The following LRP1B variants were observed in gnomAD, a reference collection of about 807,000 sequenced individuals.
The protein encoded by LRP1B is low-density lipoprotein receptor-related protein 1B.
In LRP1B, 217 loss-of-function variants were observed where a neutral mutation model predicts 556.6. The ratio of observed to expected loss-of-function variants is 0.39; its 90% CI spans 0.35 to 0.44. The LOEUF (loss-of-function observed/expected upper bound fraction) is 0.44. Ranked by LOEUF, LRP1B falls within the 20% of genes least tolerant of loss-of-function variation. The pLI is 1.00. For synonymous variants in LRP1B, 2,047 were observed against 1,865.8 expected (o/e 1.10, Z -2.50); for missense variants, 5,053 against 5,620.8 (o/e 0.90, Z 3.23).
At chr2:140,486,236 C>A (rs1024619492) in intron 58 of LRP1B, among the ~76,000 whole-genome samples, 1 of 151,882 alleles carries the variant, frequency 6.6e-6, no homozygotes, top group Non-Finnish European at 1.5e-5. Context: ...TAGAAGCCAA[C>A]AGTTACACAG....
chr2:141,378,303 A>T (rs1488552215), intron 3 of LRP1B, among the ~76,000 whole-genome samples: 9 of 152,234 alleles, frequency 5.9e-5, no homozygotes, highest in Admixed American at 5.9e-4. Context: ...AAGATTTTAA[A>T]GCAAAATTCT....
At chr2:141,972,696 G>T (rs1701777983) in intron 1 of LRP1B, among the ~76,000 whole-genome samples, 1 of 151,426 alleles carries the variant, frequency 6.6e-6, no homozygotes, top group Non-Finnish European at 1.5e-5. Context: ...CTCGAAGCAC[G>T]ATTGTTTCCT....
At chr2:141,993,126 G>A (rs1316394966) in intron 1 of LRP1B, among the ~76,000 whole-genome samples, 4 of 152,082 alleles carry the variant, frequency 2.6e-5, no homozygotes, top group Non-Finnish European at 4.4e-5. Flanking sequence ...ATTTCTGTTG[G>A]AAAAGATGAA....
chr2:140,573,889 C>T (rs1681420757), intron 43 of LRP1B, among the ~76,000 whole-genome samples: 1 of 151,888 alleles, frequency 6.6e-6, no homozygotes, highest in African/African-American at 2.4e-5. Flanking sequence ...CACTCAAGGA[C>T]AGATTAGAGT....
At chr2:141,030,664 G>A (rs989756024) in intron 11 of LRP1B, among the ~76,000 whole-genome samples, 1 of 151,864 alleles carries the variant, frequency 6.6e-6, no homozygotes, top group Non-Finnish European at 1.5e-5. Context: ...TATTTTATAT[G>A]GTTATCAGAC....
rs549185424 is a variant in LRP1B at position 140,441,396 on chromosome 2, T to C, written c.10414+1108A>G. 4.6e-5 allele frequency among the ~76,000 whole-genome samples: 7 copies of C among 152,300 alleles called. No individual in the cohort carries two copies. In the East Asian group the frequency reaches 1.2e-3, roughly 25 times the overall value. ...TTGGTGATGAATGCAGTTTGAGGCTTTGTGAATTGATTATGAAAACAAATT... is the reference window on the plus strand; with the variant it reads ...TTGGTGATGAATGCAGTTTGAGGCTCTGTGAATTGATTATGAAAACAAATT... On this transcript the variant is annotated intron_variant, in intron 66 of 90. Transcript: ENST00000389484.
chr2:141,610,402 T>C (rs917971776), intron 2 of LRP1B, among the ~76,000 whole-genome samples: 1 of 148,948 alleles, frequency 6.7e-6, no homozygotes, highest in Non-Finnish European at 1.5e-5. Flanking sequence ...TTGTAAACAG[T>C]GTTTCCCTCA....
intron 1 of LRP1B, among the ~76,000 whole-genome samples, chr2:141,977,445 C>T (rs1264769474): frequency 1.3e-5 from 2 of 152,066 alleles, no homozygotes; most frequent in African/African-American, 2.4e-5. Context: ...GCTTGTAATC[C>T]CAGCCACTTG....
At position 141,519,405 on chromosome 2, in the gene LRP1B, A is replaced by ATATATATATAT. The variant is rs1559118227; in HGVS notation, c.206-38873_206-38872insATATATATATA. On this transcript the variant is annotated intron_variant, in intron 2 of 90. Coordinates refer to ENST00000389484, the MANE Select transcript of LRP1B (RefSeq NM_018557.3). ...TATATATATATATATATATATATGAAATGCAATATTTATTGAATTTAGTTT... is the reference window on the plus strand; with the variant it reads ...TATATATATATATATATATATATGAATATATATATATATGCAATATTTATTGAATTTAGTTT... Among the ~76,000 whole-genome samples, 121 of 25,654 alleles carry ATATATATATAT rather than the reference A, an allele frequency of 4.7e-3. 4 individuals carry two copies. The highest frequency in any genetic ancestry group is 6.1e-3 in the South Asian group (5 of 824). The allele number at this position is 25,654 out of a possible 152,430, so 16.8% of individuals were successfully genotyped here.
chr2:141,507,717 GT>G (rs964822896), intron 2 of LRP1B, among the ~76,000 whole-genome samples: 1 of 152,044 alleles, frequency 6.6e-6, no homozygotes, highest in African/African-American at 2.4e-5. Context: ...ATATTATATA[GT>G]TTTTGAGTAC....
At chr2:141,055,019 G>T (rs374670756) in intron 10 of LRP1B, 97 bp downstream of exon 10, 1 of 1,347,988 alleles carries the variant, frequency 7.4e-7, no homozygotes, top group Non-Finnish European at 1.0e-6. Flanking sequence ...ACCTGTTGAA[G>T]TCTCATGTTA....
intron 6 of LRP1B, among the ~76,000 whole-genome samples, chr2:141,218,329 G>A (rs1449939308): frequency 6.6e-6 from 1 of 152,138 alleles, no homozygotes; most frequent in African/African-American, 2.4e-5. Flanking sequence ...AAAGACACAT[G>A]CATGTGTACA....
chr2:141,127,549 C>T (rs528257890), intron 7 of LRP1B, among the ~76,000 whole-genome samples: 2 of 152,140 alleles, frequency 1.3e-5, no homozygotes, highest in Non-Finnish European at 2.9e-5. Flanking sequence ...CCATGGAATA[C>T]TATGCAGCCA....
intron 2 of LRP1B, among the ~76,000 whole-genome samples, chr2:141,683,123 A>G (rs755877531): frequency 1.1e-4 from 16 of 152,136 alleles, no homozygotes; most frequent in Admixed American, 2.6e-4. Context: ...AAGCCCCAGC[A>G]ACAGGAACCT....
At chr2:140,321,888 C>T (rs991810302) in intron 82 of LRP1B, 75 bp downstream of exon 82, 1 of 1,407,082 alleles carries the variant, frequency 7.1e-7, no homozygotes, top group Non-Finnish European at 9.8e-7. Context: ...CAGATAATTT[C>T]ACTCCATTTC....
chr2:140,358,216 A>G (rs1682324619), intron 73 of LRP1B, 100 bp from the exon 74 acceptor site: 1 of 1,143,526 alleles, frequency 8.7e-7, no homozygotes, highest in South Asian at 1.7e-5. Context: ...TATGAAAAAC[A>G]TGGGTTTACA....
intron 3 of LRP1B, among the ~76,000 whole-genome samples, chr2:141,275,796 A>T (rs891654969): frequency 1.3e-5 from 2 of 152,146 alleles, no homozygotes; most frequent in African/African-American, 4.8e-5. Context: ...AAAAGCTAAA[A>T]GTGGGGTGTC....
intron 1 of LRP1B, among the ~76,000 whole-genome samples, chr2:141,858,556 A>C (rs7598409): frequency 0.033 from 5,095 of 152,282 alleles, 266 homozygotes; most frequent in African/African-American, 0.12. Context: ...GACTTAAGGA[A>C]AAATTATACA....
At chr2:141,118,747 A>G (rs1296228941) in intron 7 of LRP1B, among the ~76,000 whole-genome samples, 1 of 151,946 alleles carries the variant, frequency 6.6e-6, no homozygotes. Flanking sequence ...TTCAATTAAG[A>G]GATGAGGTAT....
Sources: allele counts gnomAD v4.1 joint callset (sites outside exome capture counted in the v4.1 genomes callset), GRCh38; gene constraint gnomAD v4.1.1; transcripts MANE v1.5; gene names NCBI Gene and HGNC (gene_info 2026-07-23, HGNC 2026-07-21).